Variants in SLC25A12 observed in about 807,000 individuals in gnomAD.
The protein encoded by SLC25A12 is electrogenic aspartate/glutamate antiporter SLC25A12, mitochondrial.
A neutral mutation model predicts 83.3 loss-of-function variants in SLC25A12; 32 were observed. That is an observed-to-expected ratio of 0.38 (90% CI 0.29 to 0.52). SLC25A12 has a LOEUF of 0.52. Among genes scored for constraint, SLC25A12 ranks in the 20% least tolerant of loss-of-function variants. The probability of loss-of-function intolerance (pLI) is 0.84; values close to 1 mark genes in which losing one functional copy is unlikely to be tolerated. For synonymous variants in SLC25A12, 267 were observed against 291.1 expected (o/e 0.92, Z 0.84); for missense variants, 611 against 835.6 (o/e 0.73, Z 3.31).
At position 171,792,113 on chromosome 2, in the gene SLC25A12, C is replaced by T. The variant is rs925880; in HGVS notation, c.1447-524G>A. Among the ~76,000 whole-genome samples the T allele has an allele frequency of 2.9e-3, 439 of 152,050 alleles. 4 individuals carry two copies. Among genetic ancestry groups the T allele is most frequent in the African/African-American group, 0.01 (415 of 41,444 alleles). On this transcript the variant is annotated intron_variant, in intron 14 of 17. Transcript: ENST00000422440. ...CTAAATAGCAGACAAAATATTTTAG[C>T]GGCAGGTTTCCACAGGAGTAGAAAA...
chr2:171,842,656 T>TC, intron 5 of SLC25A12, among the ~76,000 whole-genome samples: 1 of 152,066 alleles, frequency 6.6e-6, no homozygotes, highest in East Asian at 1.9e-4. Flanking sequence ...AATAGGTAAA[T>TC]CCATAGAGAC....
chr2:171,884,573 C>G (rs1012988860), intron 2 of SLC25A12, among the ~76,000 whole-genome samples: 1 of 150,526 alleles, frequency 6.6e-6, no homozygotes, highest in Middle Eastern at 3.5e-3. Context: ...AGTTCGAGAC[C>G]AGCCTGGCCA....
chr2:171,849,652 C>T (rs533158587), intron 4 of SLC25A12, among the ~76,000 whole-genome samples: 1 of 151,012 alleles, frequency 6.6e-6, no homozygotes, highest in African/African-American at 2.4e-5. Flanking sequence ...ACCTCAGCCT[C>T]CCGGGTTCAC....
In SLC25A12 at chr2:171,790,712, AT is replaced by A. The variant is rs577150841; in HGVS notation, c.1585+738del. ...GCAAATAACTATTAATAAAAGACAA[AT>A]TTTTTTTTTTTTGAGACAAGCTCTC... is the stretch of plus-strand genomic sequence containing the variant. On this transcript the variant is annotated intron_variant, in intron 15 of 17. Coordinates refer to ENST00000422440, the MANE Select transcript of SLC25A12 (RefSeq NM_003705.5). Among the ~76,000 whole-genome samples the A allele has an allele frequency of 2.8e-3, 417 of 147,078 alleles. 1 individual carries two copies. Among genetic ancestry groups the A allele is most frequent in the South Asian group, 0.017 (80 of 4,632 alleles).
chr2:171,876,448 A>C (rs1487509585), intron 2 of SLC25A12, among the ~76,000 whole-genome samples: 2 of 151,736 alleles, frequency 1.3e-5, no homozygotes, highest in Non-Finnish European at 2.9e-5. Flanking sequence ...TCAGTCAAAA[A>C]TGCTAAAATA....
At chr2:171,839,181 C>T (rs1211368859) in intron 5 of SLC25A12, among the ~76,000 whole-genome samples, 3 of 152,046 alleles carry the variant, frequency 2.0e-5, no homozygotes, top group Non-Finnish European at 4.4e-5. Flanking sequence ...AAAAAGTCAG[C>T]TCTCAAATGC....
chr2:171,801,104 C>T (rs148309980), intron 13 of SLC25A12, among the ~76,000 whole-genome samples: 3 of 152,042 alleles, frequency 2.0e-5, no homozygotes, highest in East Asian at 3.9e-4. Flanking sequence ...CCTAAAAAAC[C>T]AAATATGTAA....
intron 2 of SLC25A12, among the ~76,000 whole-genome samples, chr2:171,891,248 A>T (rs940036159): frequency 6.6e-6 from 1 of 152,074 alleles, no homozygotes; most frequent in Admixed American, 6.5e-5. Context: ...GCAGTGAGCC[A>T]AGATCACGCC....
At chr2:171,792,388 A>G (rs1683496946) in intron 14 of SLC25A12, among the ~76,000 whole-genome samples, 1 of 151,842 alleles carries the variant, frequency 6.6e-6, no homozygotes, top group Non-Finnish European at 1.5e-5. Flanking sequence ...TCTGAGCTCA[A>G]GTGATCCTCC....
At chr2:171,786,438 G>A (rs1242664112) in intron 17 of SLC25A12, among the ~76,000 whole-genome samples, 3 of 146,828 alleles carry the variant, frequency 2.0e-5, no homozygotes, top group Non-Finnish European at 4.5e-5. Flanking sequence ...TTCTTTTACA[G>A]AAGATGAAAG....
At chr2:171,811,084 C>T (rs1683937625) in intron 11 of SLC25A12, among the ~76,000 whole-genome samples, 1 of 152,306 alleles carries the variant, frequency 6.6e-6, no homozygotes, top group Non-Finnish European at 1.5e-5. Flanking sequence ...AAATTGTTAG[C>T]ATACTTTTTT....
At chr2:171,888,356 C>T (rs550899206) in intron 2 of SLC25A12, among the ~76,000 whole-genome samples, 2 of 151,740 alleles carry the variant, frequency 1.3e-5, no homozygotes, top group African/African-American at 4.8e-5. Flanking sequence ...ACCTCAGCCT[C>T]GCAAAGCACT....
At chr2:171,842,319 G>A (rs1684697068) in intron 5 of SLC25A12, among the ~76,000 whole-genome samples, 1 of 150,962 alleles carries the variant, frequency 6.6e-6, no homozygotes, top group Admixed American at 6.6e-5. Context: ...TTGGCCAGGC[G>A]TGGTGGCTCA....
At chr2:171,835,953 T>C (rs766469647) in intron 6 of SLC25A12, among the ~76,000 whole-genome samples, 1 of 152,150 alleles carries the variant, frequency 6.6e-6, no homozygotes, top group Non-Finnish European at 1.5e-5. Flanking sequence ...CCTCAAAAAA[T>C]TGAGGCTATT....
At chr2:171,851,976 T>C (rs894414348) in intron 4 of SLC25A12, among the ~76,000 whole-genome samples, 2 of 152,184 alleles carry the variant, frequency 1.3e-5, no homozygotes, top group Non-Finnish European at 2.9e-5. Context: ...CAAGGCAAAC[T>C]TACACTGTAG....
In SLC25A12 at chr2:171,784,896, C is replaced by T. The variant is rs1574668316; in HGVS notation, c.*378G>A. ...CACTTTCAAAACATTCTGTACATTT[C>T]AAGCCACTCAGAACCGCATTACATT... On this transcript the variant is annotated 3_prime_UTR_variant, in exon 18 of 18. Transcript: ENST00000422440. 1 of 237,462 alleles carries T rather than the reference C, an allele frequency of 4.2e-6. No individual in the cohort carries two copies. The highest frequency in any genetic ancestry group is 8.5e-6 in the Non-Finnish European group (1 of 117,918). 14.7% of individuals were successfully genotyped at this position (237,462 alleles called of 1,614,324 possible). A position where few individuals can be genotyped will look rare whatever the true frequency, so the allele number is the denominator to read the frequency against.
At chr2:171,816,271 G>A (rs1684049300) in intron 9 of SLC25A12, among the ~76,000 whole-genome samples, 1 of 151,780 alleles carries the variant, frequency 6.6e-6, no homozygotes, top group Non-Finnish European at 1.5e-5. Context: ...TGTTTATGTT[G>A]CCCAGGCTGG....
At chr2:171,858,921 A>G (rs2105908486) in intron 3 of SLC25A12, among the ~76,000 whole-genome samples, 1 of 152,314 alleles carries the variant, frequency 6.6e-6, no homozygotes. Context: ...CTAAATATCT[A>G]CATTTTGTCT....
chr2:171,832,869 ATGT>A (rs934390381), intron 8 of SLC25A12, among the ~76,000 whole-genome samples: 1 of 152,196 alleles, frequency 6.6e-6, no homozygotes, highest in Admixed American at 6.5e-5. Context: ...TCCTATAAGA[ATGT>A]TGTTTTTATA....
Sources: allele counts gnomAD v4.1 joint callset (sites outside exome capture counted in the v4.1 genomes callset), GRCh38; gene constraint gnomAD v4.1.1; transcripts MANE v1.5; gene names NCBI Gene and HGNC (gene_info 2026-07-23, HGNC 2026-07-21).